KCNN2: variants seen among roughly 807,000 people sequenced by gnomAD.
KCNN2 encodes small conductance calcium-activated potassium channel protein 2.
In KCNN2, 24 loss-of-function variants were observed where a neutral mutation model predicts 55.5. The observed-to-expected ratio is 0.43, with a 90% CI of 0.31 to 0.61. KCNN2 has a LOEUF of 0.61. KCNN2 is among the 20% of genes least tolerant of loss of function. KCNN2 has a pLI of 0.08. For synonymous variants in KCNN2, 431 were observed against 336.1 expected (o/e 1.28, Z -3.09); for missense variants, 754 against 853.6 (o/e 0.88, Z 1.45).
chr5:114,455,329 A>G (rs1173188533), intron 3 of KCNN2, among the ~76,000 whole-genome samples: 1 of 152,180 alleles, frequency 6.6e-6, no homozygotes, highest in African/African-American at 2.4e-5. Context: ...ATGGTGATTT[A>G]TGATCAGGGA....
chr5:114,468,014 T>C (rs529754923), intron 4 of KCNN2, among the ~76,000 whole-genome samples: 57 of 152,240 alleles, frequency 3.7e-4, no homozygotes, highest in African/African-American at 1.3e-3. Flanking sequence ...TAAAGGAGGC[T>C]CGGGTTGCCC....
intron 2 of KCNN2, among the ~76,000 whole-genome samples, chr5:114,234,319 G>A (rs1307154209): frequency 6.6e-6 from 1 of 152,088 alleles, no homozygotes; most frequent in Non-Finnish European, 1.5e-5. Flanking sequence ...AATAAACAGA[G>A]AAGACTGACC....
At chr5:114,255,362 G>C (rs1174482320) in intron 2 of KCNN2, among the ~76,000 whole-genome samples, 1 of 152,196 alleles carries the variant, frequency 6.6e-6, no homozygotes, top group Non-Finnish European at 1.5e-5. Flanking sequence ...GCAGAAAAAG[G>C]AGGAATTTTC....
chr5:114,195,927 C>T (rs1024002784), intron 1 of KCNN2, among the ~76,000 whole-genome samples: 1 of 151,806 alleles, frequency 6.6e-6, no homozygotes, highest in African/African-American at 2.4e-5. Flanking sequence ...CCTTTTGGCT[C>T]TTATATTTAG....
At chr5:114,380,177 GACTCATCCCAAGGAACA>G (rs1322875674) in intron 2 of KCNN2, among the ~76,000 whole-genome samples, 1 of 152,000 alleles carries the variant, frequency 6.6e-6, no homozygotes, top group Non-Finnish European at 1.5e-5. Flanking sequence ...ATGCAGCCTG[GACTCATCCCAAGGAACA>G]TGGAAAACTC....
chr5:114,399,673 G>A (rs935372270), intron 2 of KCNN2, among the ~76,000 whole-genome samples: 1 of 152,104 alleles, frequency 6.6e-6, no homozygotes, highest in African/African-American at 2.4e-5. Flanking sequence ...AGTAGGAATG[G>A]TATCAGCTCT....
intron 1 of KCNN2, among the ~76,000 whole-genome samples, chr5:114,119,499 T>A (rs1276837674): frequency 6.6e-6 from 1 of 152,232 alleles, no homozygotes; most frequent in Non-Finnish European, 1.5e-5. Context: ...GTGTTATTTT[T>A]AACCACCGTT....
intron 1 of KCNN2, among the ~76,000 whole-genome samples, chr5:114,141,241 A>C (rs1752273011): frequency 6.6e-6 from 1 of 151,928 alleles, no homozygotes; most frequent in South Asian, 2.1e-4. Flanking sequence ...TTAACTCATC[A>C]TTTACATTAG....
chr5:114,251,887 T>TA (rs1434417093), intron 2 of KCNN2, among the ~76,000 whole-genome samples: 2 of 149,626 alleles, frequency 1.3e-5, no homozygotes. Flanking sequence ...TTTCTTTTTT[T>TA]TTTTTTTTTG....
intron 1 of KCNN2, among the ~76,000 whole-genome samples, chr5:114,217,430 G>A (rs1401071033): frequency 6.6e-6 from 1 of 151,942 alleles, no homozygotes; most frequent in East Asian, 1.9e-4. Flanking sequence ...GAATGTCCAG[G>A]GGAAAAAAAT....
intron 2 of KCNN2, among the ~76,000 whole-genome samples, chr5:114,390,663 A>C (rs1307619767): frequency 6.6e-6 from 1 of 152,130 alleles, no homozygotes; most frequent in Non-Finnish European, 1.5e-5. Flanking sequence ...TGTCGAAATC[A>C]ACCCTAGATC....
chr5:114,495,777 C>A, intron 7 of KCNN2, 118 bp from the exon 8 acceptor site: 1 of 878,068 alleles, frequency 1.1e-6, no homozygotes, highest in Non-Finnish European at 1.8e-6. Flanking sequence ...GTTCAGTTAG[C>A]TGACACCCCT....
At chr5:114,209,718 C>T (rs1445273946) in intron 1 of KCNN2, among the ~76,000 whole-genome samples, 1 of 152,128 alleles carries the variant, frequency 6.6e-6, no homozygotes, top group Non-Finnish European at 1.5e-5. Flanking sequence ...TCCAAAAAAG[C>T]TAACTGCTAA....
intron 1 of KCNN2, among the ~76,000 whole-genome samples, chr5:114,170,057 G>T (rs1753001034): frequency 6.6e-6 from 1 of 151,928 alleles, no homozygotes; most frequent in Admixed American, 6.6e-5. Flanking sequence ...ATTGTCACTA[G>T]GAATAATCTC....
chr5:114,056,459 T>G (rs1366975912), exon 1 of KCNN2: 2 of 398,472 alleles, frequency 5.0e-6, no homozygotes, highest in African/African-American at 4.1e-5. Flanking sequence ...TTGAGGCAAA[T>G]TTGAGCTTCA....
chr5:114,056,129 G>T, exon 1 of KCNN2: 1 of 381,188 alleles, frequency 2.6e-6, no homozygotes, highest in Non-Finnish European at 4.6e-6. Context: ...CCGAAGCAGG[G>T]GCAGCCAGGT....
At chr5:114,423,306 T>G (rs889903408) in intron 3 of KCNN2, among the ~76,000 whole-genome samples, 2 of 152,084 alleles carry the variant, frequency 1.3e-5, no homozygotes, top group African/African-American at 2.4e-5. Context: ...CAGATTTAAT[T>G]AAATGGGAAT....
At chr5:114,380,032 G>C (rs948401865) in intron 2 of KCNN2, among the ~76,000 whole-genome samples, 1 of 151,190 alleles carries the variant, frequency 6.6e-6, no homozygotes, top group African/African-American at 2.4e-5. Context: ...TTTATTTTTA[G>C]TTTAGACTTA....
rs550246050 is a variant in KCNN2 at position 114,485,727 on chromosome 5, A to G, written c.1891-1323A>G. 2.6e-5 allele frequency among the ~76,000 whole-genome samples: 4 copies of G among 152,318 alleles called. No homozygotes were observed. The South Asian group carries it at 8.3e-4, about 32-fold the overall frequency. On this transcript the variant is annotated intron_variant, in intron 5 of 7. Coordinates refer to ENST00000673685, the MANE Select transcript of KCNN2 (RefSeq NM_021614.4). Reference sequence around the variant, plus strand: ...ATCCAAAGGCAGTGCATTACAAACCAGAGTCACTCCTAAAAGAAGCTTTAC... The same window carrying G: ...ATCCAAAGGCAGTGCATTACAAACCGGAGTCACTCCTAAAAGAAGCTTTAC...
Sources: gnomAD v4.1 joint callset for allele counts (sites outside exome capture counted in the v4.1 genomes callset) on GRCh38, gnomAD v4.1.1 for gene constraint, MANE v1.5 for transcripts, NCBI Gene and HGNC (gene_info 2026-07-23, HGNC 2026-07-21) for gene names.